LRRC30: variants seen among roughly 807,000 people sequenced by gnomAD.
LRRC30 encodes the protein leucine rich repeat containing 30.
A neutral mutation model predicts 14.8 loss-of-function variants in LRRC30; 10 were observed. The ratio of observed to expected loss-of-function variants is 0.68; its 90% CI spans 0.42 to 1.15. The LOEUF (loss-of-function observed/expected upper bound fraction) is 1.15. LRRC30 is among the 50% of genes most tolerant of loss of function. LRRC30 has a pLI of 0.00. For synonymous variants in LRRC30, 202 were observed against 175.7 expected, an observed-to-expected ratio of 1.15 and a Z score of -1.18; for missense variants, 403 against 373.9, an observed-to-expected ratio of 1.08 and a Z score of -0.64.
Position 7,231,446 on chromosome 18 carries a change from G to A in LRRC30, c.308G>A (p.Gly103Glu), listed in dbSNP as rs539498879. ...LTRIVVLNLC[G>E]NRLKSLPREV... ...CGGATCGTGGTCCTGAACTTGTGCG[G>A]GAACCGCCTGAAGAGCCTGCCCAGA... The change falls in exon 1 of 1, where the codon GGG becomes GAG. Residue 103 changes from glycine (G) to glutamate (E), a missense_variant. Transcript: ENST00000383467. The A allele has an allele frequency of 1.2e-6, 2 of 1,614,132 alleles. No individual in the cohort carries two copies. Among genetic ancestry groups the A allele is most frequent in the East Asian group, 2.2e-5 (1 of 44,844 alleles).
rs888371028 is a variant in LRRC30 at position 7,231,317 on chromosome 18, T to C, written c.179T>C (p.Met60Thr). ...AGCTTCAGCCTGGTCACGAGAGGAA[T>C]GACAGACATCCCCGACTTTCTGTGG... ...HVSFSLVTRG[M>T]TDIPDFLWGL... The change falls in exon 1 of 1, where the codon ATG (methionine) becomes ACG (threonine). Residue 60 changes from methionine (M) to threonine (T), a missense_variant. Physicochemically the swap from Met to Thr is moderately conservative, Grantham distance 81. Coordinates refer to ENST00000383467, the MANE Select transcript of LRRC30 (RefSeq NM_001105581.3). The C allele has an allele frequency of 6.2e-7, 1 of 1,614,096 alleles. No individual in the cohort carries two copies. Among genetic ancestry groups the C allele is most frequent in the Non-Finnish European group, 8.5e-7 (1 of 1,180,052 alleles).
At position 7,231,594 on chromosome 18, in the gene LRRC30, G is replaced by C. The variant is rs2058620179; in HGVS notation, c.456G>C (p.Leu152=). The change falls in exon 1 of 1, where the codon CTG becomes CTC. Residue 152 remains leucine (L), a synonymous_variant. Transcript: ENST00000383467. ...LEVLSLSHNC[L]SQLPACFADL... ...TCCTGAGCTTGTCGCACAACTGCCT[G>C]TCCCAGCTCCCTGCATGCTTCGCCG... The C allele has an allele frequency of 6.8e-6, 11 of 1,614,028 alleles. No individual in the cohort carries two copies. In the East Asian group the frequency reaches 2.5e-4, roughly 36 times the overall value.
Position 7,231,851 on chromosome 18 carries a change from A to C in LRRC30, c.713A>C (p.Asn238Thr). 2 of 1,614,016 alleles carry C rather than the reference A, an allele frequency of 1.2e-6. No individual in the cohort carries two copies. Among genetic ancestry groups the C allele is most frequent in the Non-Finnish European group, 1.7e-6 (2 of 1,179,996 alleles). ...CTGGTCACCAGCCTGGAGCTGCTGA[A>C]CCTCAACAACAATGACATCCAGACC... Reference protein sequence around the residue: ...LCLVTSLELLNLNNNDIQTLP... With the variant: ...LCLVTSLELLTLNNNDIQTLP... The change falls in exon 1 of 1, where the codon AAC (asparagine) becomes ACC (threonine). Residue 238 changes from asparagine (N) to threonine (T), a missense_variant. Coordinates refer to ENST00000383467, the MANE Select transcript of LRRC30 (RefSeq NM_001105581.3).
Position 7,232,004 on chromosome 18 carries a change from A to G in LRRC30, c.866A>G (p.Glu289Gly), listed in dbSNP as rs767981953. The part of the protein sequence containing the change: ...PLPELVEGGL[E>G]MLFGYLKDKK... ...CCGGAGCTGGTGGAGGGGGGCCTGG[A>G]GATGCTCTTCGGCTACCTGAAGGAC... Residue 289 changes from glutamate to glycine, a missense_variant, in exon 1 of 1, where the codon GAG becomes GGG. Glu to Gly is a moderately conservative substitution (Grantham distance 98, BLOSUM62 -2). Transcript: ENST00000383467. 1.2e-6 allele frequency: 2 copies of G among 1,613,458 alleles called. No homozygotes were observed. The highest frequency in any genetic ancestry group is 1.7e-6 in the Non-Finnish European group (2 of 1,179,706).
Position 7,231,820 on chromosome 18 carries a change from C to T in LRRC30, c.682C>T (p.Leu228Phe). 12 of 1,614,140 alleles carry T rather than the reference C, an allele frequency of 7.4e-6. No homozygotes were observed. Among genetic ancestry groups the T allele is most frequent in the Non-Finnish European group, 1.0e-5 (12 of 1,180,010 alleles). ...GNNIHSFPRS[L>F]CLVTSLELLN... ...CAACATCCACTCCTTCCCGAGGTCG[C>T]TTTGCCTGGTCACCAGCCTGGAGCT... The change falls in exon 1 of 1, where the codon CTT becomes TTT. Residue 228 changes from leucine to phenylalanine, a missense_variant. Physicochemically the swap from Leu to Phe is conservative, Grantham distance 22 (BLOSUM62 0). Coordinates refer to ENST00000383467, the MANE Select transcript of LRRC30 (RefSeq NM_001105581.3).
chr18:7,231,212 A>G lies in LRRC30; in HGVS notation c.74A>G (p.Gln25Arg). ...PKRMLFTGRR[Q>R]KFSPWDDALL... ...AGGATGCTGTTCACGGGGAGGAGAC[A>G]GAAGTTTTCTCCGTGGGACGATGCC... The change falls in exon 1 of 1, where the codon CAG (glutamine) becomes CGG (arginine). Residue 25 changes from glutamine to arginine, a missense_variant. Coordinates refer to ENST00000383467, the MANE Select transcript of LRRC30 (RefSeq NM_001105581.3). 1 of 1,613,182 alleles carries G rather than the reference A, an allele frequency of 6.2e-7. No homozygotes were observed. Among genetic ancestry groups the G allele is most frequent in the Non-Finnish European group, 8.5e-7 (1 of 1,179,158 alleles).
rs1374575284 is a variant in LRRC30, at chr18:7,231,184, A to G, written c.46A>G (p.Lys16Glu). The change falls in exon 1 of 1, where the codon AAG becomes GAG. Residue 16 changes from lysine to glutamate, a missense_variant. Physicochemically the swap from Lys to Glu is moderately conservative, Grantham distance 56. Coordinates refer to ENST00000383467, the MANE Select transcript of LRRC30 (RefSeq NM_001105581.3). The part of the protein sequence containing the change: ...SRASSKDKGP[K>E]RMLFTGRRQK... ...GGCCAGCTCCAAGGATAAGGGCCCC[A>G]AGAGGATGCTGTTCACGGGGAGGAG... is the stretch of plus-strand genomic sequence containing the variant. 6.2e-7 allele frequency: 1 copy of G among 1,610,014 alleles called. No individual in the cohort carries two copies. Among genetic ancestry groups the G allele is most frequent in the Admixed American group, 1.7e-5 (1 of 59,896 alleles).
rs773371903 is a variant in LRRC30, at chr18:7,231,798, C to T, written c.660C>T (p.Asn220=). ...SLQIFIAEGN[N]IHSFPRSLCL... The stretch of plus-strand genomic sequence containing the variant: ...AGATCTTCATCGCAGAGGGCAACAA[C>T]ATCCACTCCTTCCCGAGGTCGCTTT... Residue 220 remains asparagine (N), a synonymous_variant, in exon 1 of 1, where the codon AAC becomes AAT. Transcript: ENST00000383467. 5.0e-6 allele frequency: 8 copies of T among 1,614,054 alleles called. No individual in the cohort carries two copies. Among genetic ancestry groups the T allele is most frequent in the South Asian group, 1.1e-5 (1 of 91,084 alleles).
rs374067933 is a variant in LRRC30, at chr18:7,231,722, C to A, written c.584C>A (p.Ser195Ter). Residue 195 changes from serine to a stop codon, truncating the protein, a stop_gained, in exon 1 of 1, where the codon TCG becomes TAG. Transcript: ENST00000383467. LOFTEE classifies it high-confidence loss of function. Reference sequence around the variant, plus strand: ...GAACTGATTTTCTTGCACGTGGGCTCGAATCGCCTGGAAAACATCGCTGAG... The same window carrying A: ...GAACTGATTTTCTTGCACGTGGGCTAGAATCGCCTGGAAAACATCGCTGAG... ...LKELIFLHVG[S>*]NRLENIAESI... The A allele has an allele frequency of 5.6e-6, 9 of 1,614,134 alleles. No individual in the cohort carries two copies. Among genetic ancestry groups the A allele is most frequent in the South Asian group, 1.1e-5 (1 of 91,076 alleles).
chr18:7,231,661 T>G lies in LRRC30; in HGVS notation c.523T>G (p.Phe175Val). ...GAAGCTAAACCTCAGCAACAACTTC[T>G]TCGCGCACATCCCCATGTGTGTGTT... Reference protein sequence around the residue: ...LRKLNLSNNFFAHIPMCVFSL... With the variant: ...LRKLNLSNNFVAHIPMCVFSL... The change falls in exon 1 of 1, where the codon TTC becomes GTC. Residue 175 changes from phenylalanine to valine, a missense_variant. Phe to Val is a conservative substitution (Grantham distance 50). Transcript: ENST00000383467. 6.2e-7 allele frequency: 1 copy of G among 1,614,168 alleles called. No homozygotes were observed. The highest frequency in any genetic ancestry group is 8.5e-7 in the Non-Finnish European group (1 of 1,180,034).
Position 7,231,176 on chromosome 18 carries a change from A to G in LRRC30, c.38A>G (p.Lys13Arg), listed in dbSNP as rs757913487. 5 of 1,605,536 alleles carry G rather than the reference A, an allele frequency of 3.1e-6. No homozygotes were observed. The highest frequency in any genetic ancestry group is 1.3e-5 in the African/African-American group (1 of 74,774). Residue 13 changes from lysine (K) to arginine (R), a missense_variant, in exon 1 of 1, where the codon AAG (lysine) becomes AGG (arginine). By Grantham distance (26) the Lys-to-Arg change is conservative. Transcript: ENST00000383467. ...ARQSRASSKD[K>R]GPKRMLFTGR... The stretch of plus-strand genomic sequence containing the variant: ...CAGTCAAGGGCCAGCTCCAAGGATA[A>G]GGGCCCCAAGAGGATGCTGTTCACG...
chr18:7,231,107 G>C lies in LRRC30; in HGVS notation c.-32G>C. The C allele has an allele frequency of 6.5e-7, 1 of 1,544,920 alleles. No homozygotes were observed. Among genetic ancestry groups the C allele is most frequent in the Non-Finnish European group, 8.7e-7 (1 of 1,143,790 alleles). ...AGGACACGGTCCCTGCCTGGGAGGTGGCAGAGGAGAGTGACTAGAAGGGAA... is the reference window on the plus strand; with the variant it reads ...AGGACACGGTCCCTGCCTGGGAGGTCGCAGAGGAGAGTGACTAGAAGGGAA... On this transcript the variant is annotated 5_prime_UTR_variant, in exon 1 of 1. Coordinates refer to ENST00000383467, the MANE Select transcript of LRRC30 (RefSeq NM_001105581.3).
chr18:7,231,717 G>A lies in LRRC30; in HGVS notation c.579G>A (p.Val193=). Residue 193 remains valine (V), a synonymous_variant, in exon 1 of 1, where the codon GTG becomes GTA. Transcript: ENST00000383467. ...TGAAGGAACTGATTTTCTTGCACGT[G>A]GGCTCGAATCGCCTGGAAAACATCG... ...FSLKELIFLH[V]GSNRLENIAE... The A allele has an allele frequency of 1.2e-6, 2 of 1,614,100 alleles. No individual in the cohort carries two copies. The highest frequency in any genetic ancestry group is 1.7e-6 in the Non-Finnish European group (2 of 1,180,038).
Position 7,231,411 on chromosome 18 carries a change from G to C in LRRC30, c.273G>C (p.Gly91=). ...TCCGGGTTCTCCCTCCCGAGGTGGGGAAACTGACCCGGATCGTGGTCCTGA... is the reference window on the plus strand; with the variant it reads ...TCCGGGTTCTCCCTCCCGAGGTGGGCAAACTGACCCGGATCGTGGTCCTGA... ...NQLRVLPPEV[G]KLTRIVVLNL... The change falls in exon 1 of 1, where the codon GGG becomes GGC. Residue 91 remains glycine (G), a synonymous_variant. Transcript: ENST00000383467. 6.2e-7 allele frequency: 1 copy of C among 1,614,166 alleles called. No individual in the cohort carries two copies. Among genetic ancestry groups the C allele is most frequent in the Non-Finnish European group, 8.5e-7 (1 of 1,180,028 alleles).
rs757775391 is a variant in LRRC30, at chr18:7,232,022, T to C, written c.884T>C (p.Leu295Pro). The C allele has an allele frequency of 6.2e-7, 1 of 1,609,780 alleles. No individual in the cohort carries two copies. The highest frequency in any genetic ancestry group is 2.2e-5 in the East Asian group (1 of 44,812). ...GGCCTGGAGATGCTCTTCGGCTACC[T>C]GAAGGACAAAAAACACACCTGACCT... ...EGGLEMLFGYLKDKKHT is the reference protein window; with the variant it reads ...EGGLEMLFGYPKDKKHT The change falls in exon 1 of 1, where the codon CTG (leucine) becomes CCG (proline). Residue 295 changes from leucine to proline, a missense_variant. Physicochemically the swap from Leu to Pro is moderately conservative, Grantham distance 98. Transcript: ENST00000383467.
At position 7,231,560 on chromosome 18, in the gene LRRC30, A is replaced by G. The variant is rs572282840; in HGVS notation, c.422A>G (p.Lys141Arg). 1.2e-5 allele frequency: 20 copies of G among 1,613,792 alleles called. No homozygotes were observed. The South Asian group carries it at 1.8e-4, about 14-fold the overall frequency. The change falls in exon 1 of 1, where the codon AAG (lysine) becomes AGG (arginine). Residue 141 changes from lysine to arginine, a missense_variant. Transcript: ENST00000383467. ...CCGGCCGAGCTGAGCTTGTGCCGAA[A>G]GCTGGAGGTCCTGAGCTTGTCGCAC... ...EVPAELSLCR[K>R]LEVLSLSHNC...
rs1441221959 is a variant in LRRC30, at chr18:7,231,731, T to C, written c.593T>C (p.Leu198Pro). The C allele has an allele frequency of 6.2e-7, 1 of 1,614,020 alleles. No individual in the cohort carries two copies. Among genetic ancestry groups the C allele is most frequent in the East Asian group, 2.2e-5 (1 of 44,880 alleles). Reference sequence around the variant, plus strand: ...TTCTTGCACGTGGGCTCGAATCGCCTGGAAAACATCGCTGAGAGCATCCAG... The same window carrying C: ...TTCTTGCACGTGGGCTCGAATCGCCCGGAAAACATCGCTGAGAGCATCCAG... ...LIFLHVGSNRLENIAESIQHL... is the reference protein window; with the variant it reads ...LIFLHVGSNRPENIAESIQHL... Residue 198 changes from leucine (L) to proline (P), a missense_variant, in exon 1 of 1, where the codon CTG becomes CCG. By Grantham distance (98) the Leu-to-Pro change is moderately conservative. Coordinates refer to ENST00000383467, the MANE Select transcript of LRRC30 (RefSeq NM_001105581.3).
chr18:7,231,473 A>G lies in LRRC30; in HGVS notation c.335A>G (p.Glu112Gly), dbSNP rs1203792836. 1 of 1,613,832 alleles carries G rather than the reference A, an allele frequency of 6.2e-7. No homozygotes were observed. The highest frequency in any genetic ancestry group is 8.5e-7 in the Non-Finnish European group (1 of 1,180,028). ...CGNRLKSLPREVSLLQCLKVL... is the reference protein window; with the variant it reads ...CGNRLKSLPRGVSLLQCLKVL... ...AACCGCCTGAAGAGCCTGCCCAGAG[A>G]AGTGAGCCTCCTACAGTGCCTCAAG... The change falls in exon 1 of 1, where the codon GAA (glutamate) becomes GGA (glycine). Residue 112 changes from glutamate (E) to glycine (G), a missense_variant. Coordinates refer to ENST00000383467, the MANE Select transcript of LRRC30 (RefSeq NM_001105581.3).
rs1158367709 is a variant in LRRC30, at chr18:7,231,350, C to G, written c.212C>G (p.Ser71Cys). The G allele has an allele frequency of 6.2e-7, 1 of 1,614,200 alleles. No individual in the cohort carries two copies. Among genetic ancestry groups the G allele is most frequent in the South Asian group, 1.1e-5 (1 of 91,078 alleles). ...TDIPDFLWGL[S>C]EVQKLNLSHN... ...ATCCCCGACTTTCTGTGGGGCTTGT[C>G]CGAGGTCCAGAAACTCAATCTGTCT... The change falls in exon 1 of 1, where the codon TCC becomes TGC. Residue 71 changes from serine (S) to cysteine (C), a missense_variant. Transcript: ENST00000383467.
Sources: allele counts gnomAD v4.1 joint callset, GRCh38; gene constraint gnomAD v4.1.1; transcripts MANE v1.5; gene names NCBI Gene and HGNC (gene_info 2026-07-23, HGNC 2026-07-21).